Variants in NDUFA10 observed in about 807,000 individuals in gnomAD.
NDUFA10 encodes NADH dehydrogenase [ubiquinone] 1 alpha subcomplex subunit 10, mitochondrial.
Under a neutral mutation model 47.8 loss-of-function variants are expected in NDUFA10, and 40 were observed. The observed-to-expected ratio is 0.84, with a 90% CI of 0.65 to 1.09. NDUFA10 has a LOEUF of 1.09. Ranked by LOEUF, NDUFA10 falls within the 50% of genes least tolerant of loss-of-function variation. The pLI, the probability that NDUFA10 is intolerant of heterozygous loss-of-function variation, is 0.00. For synonymous variants in NDUFA10, 183 were observed against 172.2 expected, an observed-to-expected ratio of 1.06 and a Z score of -0.49; for missense variants, 413 against 451.1, an observed-to-expected ratio of 0.92 and a Z score of 0.76.
chr2:239,982,269 C>T (rs775299364), intron 9 of NDUFA10: 24 of 1,595,838 alleles, frequency 1.5e-5, no homozygotes, highest in African/African-American at 1.3e-4. Context: ...TGACAAAGGC[C>T]GACTTTACTT....
Position 239,917,382 on chromosome 2 carries a change from A to C in NDUFA10, c.295-22068T>G, listed in dbSNP as rs1013891486. Among the ~76,000 whole-genome samples, 4 of 151,966 alleles carry C rather than the reference A, an allele frequency of 2.6e-5. 1 individual carries two copies. Among genetic ancestry groups the C allele is most frequent in the African/African-American group, 9.7e-5 (4 of 41,370 alleles). The stretch of plus-strand genomic sequence containing the variant: ...CCTCAACATAGGGAGAATAAAAACA[A>C]ATTTTCCTGTCTCTTATGGTATGAG... On this transcript the variant is annotated intron_variant, in intron 4 of 5. Transcript: ENST00000419408.
Position 240,018,651 on chromosome 2 carries a change from T to C in NDUFA10, c.461-12A>G, listed in dbSNP as rs372439113. ...CACAACACCTTGTCCTGTTTAAACA[T>C]AGGCAAACAGAAATTGAAAATCAGA... On this transcript the variant is annotated splice_polypyrimidine_tract_variant and intron_variant, in intron 3 of 9. Coordinates refer to ENST00000252711, the MANE Select transcript of NDUFA10 (RefSeq NM_004544.4). 4.6e-5 allele frequency: 75 copies of C among 1,613,338 alleles called. No individual in the cohort carries two copies. The highest frequency in any genetic ancestry group is 1.9e-4 in the South Asian group (17 of 91,064).
chr2:239,959,385 C>T lies in NDUFA10; in HGVS notation c.*1733G>A. On this transcript the variant is annotated 3_prime_UTR_variant, in exon 10 of 10. Transcript: ENST00000252711. ...ACAGCTAGCTCTTTGCAGCCAAAGA[C>T]ATTAGGAACAGCTAAGATAATTAAA... 1.0e-6 allele frequency: 1 copy of T among 985,522 alleles called. No individual in the cohort carries two copies. Among genetic ancestry groups the T allele is most frequent in the Non-Finnish European group, 1.2e-6 (1 of 829,964 alleles). 61.0% of individuals were successfully genotyped at this position (985,522 alleles called of 1,614,324 possible).
At position 239,957,604 on chromosome 2, in the gene NDUFA10, A is replaced by G. The variant is rs932022934; in HGVS notation, c.*3514T>C. ...AGCAAACTTACTCACATGCTTAAAG[A>G]TAAAATTTGACAGTTTCATTTGTCT... On this transcript the variant is annotated 3_prime_UTR_variant, in exon 10 of 10. Transcript: ENST00000252711. 3 of 152,258 alleles carry G rather than the reference A, an allele frequency of 2.0e-5. No individual in the cohort carries two copies. Among genetic ancestry groups the G allele is most frequent in the Non-Finnish European group, 4.4e-5 (3 of 68,038 alleles). The allele number at this position is 152,258 out of a possible 1,614,324, so 9.4% of individuals were successfully genotyped here. A position where few individuals can be genotyped will look rare whatever the true frequency, so the allele number is the denominator to read the frequency against.
At chr2:240,020,444 C>T (rs1388717131) in intron 3 of NDUFA10, among the ~76,000 whole-genome samples, 2 of 152,200 alleles carry the variant, frequency 1.3e-5, no homozygotes, top group African/African-American at 4.8e-5. Flanking sequence ...AGTGCATCTG[C>T]GGTCCAACTC....
chr2:240,003,977 G>A (rs981699233), intron 8 of NDUFA10, among the ~76,000 whole-genome samples: 9 of 152,234 alleles, frequency 5.9e-5, no homozygotes, highest in Non-Finnish European at 1.2e-4. Context: ...TGGTATCCAC[G>A]CTATCCACAG....
At chr2:239,897,765 CTGAT>C (rs1248977658) in intron 4 of NDUFA10, among the ~76,000 whole-genome samples, 1 of 152,200 alleles carries the variant, frequency 6.6e-6, no homozygotes, top group Non-Finnish European at 1.5e-5. Context: ...GCCCTGAAGA[CTGAT>C]GGCCGCCCTG....
At chr2:239,898,936 GACGGAGGGGT>G in intron 4 of NDUFA10, among the ~76,000 whole-genome samples, 1 of 146,356 alleles carries the variant, frequency 6.8e-6, no homozygotes, top group South Asian at 2.2e-4. Context: ...GGAGGGGTGT[GACGGAGGGGT>G]GTGGAGGGGT....
chr2:239,954,361 C>T (rs146518434), downstream of NDUFA10, among the ~76,000 whole-genome samples: 3 of 151,934 alleles, frequency 2.0e-5, no homozygotes, highest in East Asian at 1.9e-4. Context: ...GGGCTGTGAC[C>T]GCCTCAGGGT....
chr2:240,003,485 C>A (rs1434918154), intron 8 of NDUFA10, among the ~76,000 whole-genome samples: 1 of 152,208 alleles, frequency 6.6e-6, no homozygotes, highest in Non-Finnish European at 1.5e-5. Context: ...CAGGAAGCAG[C>A]ACAGGGCAGG....
At chr2:239,915,833 C>A (rs1002650796) in intron 4 of NDUFA10, among the ~76,000 whole-genome samples, 9 of 151,558 alleles carry the variant, frequency 5.9e-5, no homozygotes, top group Non-Finnish European at 8.8e-5. Context: ...CACAAACACA[C>A]ACACAGAACA....
intron 4 of NDUFA10, 120 bp downstream of exon 4, chr2:240,018,433 A>T: frequency 1.3e-6 from 2 of 1,586,062 alleles, no homozygotes; most frequent in Admixed American, 3.6e-5. Context: ...CGATTAAGTA[A>T]TGGCATTTAT....
intron 4 of NDUFA10, among the ~76,000 whole-genome samples, chr2:239,942,119 C>T (rs1435858938): frequency 1.3e-5 from 2 of 152,246 alleles, no homozygotes; most frequent in Non-Finnish European, 2.9e-5. Flanking sequence ...GCCGGACTGC[C>T]TTTGTCCACC....
chr2:240,012,070 ATCTGTCC>A, intron 5 of NDUFA10: 1 of 336,128 alleles, frequency 3.0e-6, no homozygotes, highest in Non-Finnish European at 5.8e-6. Context: ...TCTGTCCGCC[ATCTGTCC>A]TCAGCACACT....
At chr2:239,937,514 C>T (rs1694284217) in intron 4 of NDUFA10, among the ~76,000 whole-genome samples, 1 of 152,148 alleles carries the variant, frequency 6.6e-6, no homozygotes, top group African/African-American at 2.4e-5. Context: ...GCGGTGGCCT[C>T]GATCCCAGCT....
chr2:239,971,447 C>T (rs1222601476), intron 9 of NDUFA10, among the ~76,000 whole-genome samples: 1 of 152,224 alleles, frequency 6.6e-6, no homozygotes, highest in Non-Finnish European at 1.5e-5. Flanking sequence ...AATAATGCCC[C>T]TTCCTTCTCA....
At chr2:239,963,680 T>C (rs115755180) in intron 9 of NDUFA10, among the ~76,000 whole-genome samples, 1,757 of 152,262 alleles carry the variant, frequency 0.012, 30 homozygotes, top group African/African-American at 0.038. Context: ...AGATGACCCG[T>C]GGGCAGTTGG....
At chr2:239,965,000 T>A (rs1298874288) in intron 9 of NDUFA10, among the ~76,000 whole-genome samples, 3 of 152,172 alleles carry the variant, frequency 2.0e-5, no homozygotes, top group Non-Finnish European at 4.4e-5. Flanking sequence ...AAAGTTGTCA[T>A]TTAATGTTTT....
chr2:239,981,090 T>C (rs1450917814), intron 9 of NDUFA10, among the ~76,000 whole-genome samples: 2 of 152,238 alleles, frequency 1.3e-5, no homozygotes. Flanking sequence ...AAAGGGTCCT[T>C]TCAGGAGTAG....
Sources: allele counts gnomAD v4.1 joint callset (sites outside exome capture counted in the v4.1 genomes callset), GRCh38; gene constraint gnomAD v4.1.1; transcripts MANE v1.5; gene names NCBI Gene and HGNC (gene_info 2026-07-23, HGNC 2026-07-21).